The following DAAM2 variants were observed in gnomAD, a reference collection of about 807,000 sequenced individuals.
DAAM2 encodes disheveled-associated activator of morphogenesis 2.
A neutral mutation model predicts 120.7 loss-of-function variants in DAAM2; 39 were observed. The ratio of observed to expected loss-of-function variants is 0.32; its 90% CI spans 0.25 to 0.42. The LOEUF is 0.42. Among genes scored for constraint, DAAM2 ranks in the 10% least tolerant of loss-of-function variants. The pLI is 1.00. For missense variants in DAAM2, 1,283 were observed against 1,401.7 expected, an observed-to-expected ratio of 0.92 and a Z score of 1.35; for synonymous variants, 488 against 524.9, an observed-to-expected ratio of 0.93 and a Z score of 0.96.
chr6:39,859,271 C>T (rs967199285), intron 2 of DAAM2, among the ~76,000 whole-genome samples: 1 of 152,140 alleles, frequency 6.6e-6, no homozygotes, highest in Non-Finnish European at 1.5e-5. Flanking sequence ...AACAAAGGCA[C>T]AGAAGTTGAA....
intron 9 of DAAM2, 125 bp downstream of exon 9, chr6:39,871,697 C>G: frequency 4.1e-6 from 3 of 740,010 alleles, no homozygotes; most frequent in Non-Finnish European, 6.7e-6. Flanking sequence ...GTGGGCACCC[C>G]CATGGCCAGG....
intron 1 of DAAM2, among the ~76,000 whole-genome samples, chr6:39,814,784 T>G (rs908481797): frequency 6.6e-6 from 1 of 152,182 alleles, no homozygotes; most frequent in African/African-American, 2.4e-5. Flanking sequence ...CAAGGAGATT[T>G]GAGGAAATAA....
Position 39,902,376 on chromosome 6 carries a change from G to T in DAAM2, c.*339G>T, listed in dbSNP as rs1164526223. On this transcript the variant is annotated 3_prime_UTR_variant, in exon 25 of 25. Coordinates refer to ENST00000274867, the MANE Select transcript of DAAM2 (RefSeq NM_001201427.2). ...CATGTGCTGGCACAGAACAGTTCCA[G>T]ATCTAGACTGGAGAGGTCCACAGCC... The T allele has an allele frequency of 4.9e-6, 1 of 205,798 alleles. No individual in the cohort carries two copies. The highest frequency in any genetic ancestry group is 2.3e-5 in the African/African-American group (1 of 43,572). The allele number at this position is 205,798 out of a possible 1,614,324, so 12.7% of individuals were successfully genotyped here.
In DAAM2 at chr6:39,901,964, G is replaced by C; in HGVS notation, c.3134G>C (p.Arg1045Pro). ...GACAAGGACTTATGCAAGCTCAAGC[G>C]CAGCCGCAAGCGATCAGGGAGCCAG... ...VFDKDLCKLK[R>P]SRKRSGSQAL... The change falls in exon 25 of 25, where the codon CGC (arginine) becomes CCC (proline). Residue 1045 changes from arginine to proline, a missense_variant. Around this residue, in one of 3 missense-constraint regions of DAAM2, gnomAD observed 748 missense variants for 768.6 expected, o/e 0.97. Coordinates refer to ENST00000274867, the MANE Select transcript of DAAM2 (RefSeq NM_001201427.2). The surrounding 1 kb of genome is among the most constrained non-coding windows in gnomAD (Gnocchi z 4.5). 2 of 1,612,306 alleles carry C rather than the reference G, an allele frequency of 1.2e-6. No individual in the cohort carries two copies. Among genetic ancestry groups the C allele is most frequent in the South Asian group, 1.1e-5 (1 of 90,992 alleles).
At chr6:39,805,362 T>C (rs192024542) in intron 1 of DAAM2, among the ~76,000 whole-genome samples, 2 of 152,286 alleles carry the variant, frequency 1.3e-5, no homozygotes, top group Non-Finnish European at 2.9e-5. Flanking sequence ...AATTAATATA[T>C]GTAAAATACT....
At chr6:39,799,845 A>G (rs1761808184) in intron 1 of DAAM2, among the ~76,000 whole-genome samples, 1 of 152,208 alleles carries the variant, frequency 6.6e-6, no homozygotes, top group Non-Finnish European at 1.5e-5. Context: ...ATTAATGTTA[A>G]TAGCCTAGTA....
chr6:39,827,322 A>G (rs897944877), intron 1 of DAAM2, among the ~76,000 whole-genome samples: 2 of 152,170 alleles, frequency 1.3e-5, no homozygotes, highest in African/African-American at 4.8e-5. Context: ...CGTCTTGTGC[A>G]TGCCAGCAGC....
intron 17 of DAAM2, among the ~76,000 whole-genome samples, chr6:39,890,878 C>T (rs1490180410): frequency 1.3e-5 from 2 of 151,968 alleles, no homozygotes; most frequent in African/African-American, 2.4e-5. Flanking sequence ...TGCTTGAGCT[C>T]GGGAGGTAAA....
intron 16 of DAAM2, 57 bp from the exon 17 acceptor site, chr6:39,888,621 AC>A: frequency 2.7e-6 from 4 of 1,493,138 alleles, no homozygotes; most frequent in Non-Finnish European, 3.7e-6. Context: ...CGGAGGTGGT[AC>A]CTTTTGGAGA....
At chr6:39,897,349 T>C in intron 21 of DAAM2, 67 bp downstream of exon 21, 1 of 1,086,682 alleles carries the variant, frequency 9.2e-7, no homozygotes, top group East Asian at 2.4e-5. Context: ...CTTTCCTCTT[T>C]TGGGGTCTAC....
At position 39,887,554 on chromosome 6, in the gene DAAM2, T is replaced by C; in HGVS notation, c.2022T>C (p.Asp674=). 4 of 1,613,858 alleles carry C rather than the reference T, an allele frequency of 2.5e-6. No homozygotes were observed. In the African/African-American group the frequency reaches 5.3e-5, roughly 22 times the overall value. The change falls in exon 16 of 25, where the codon GAT becomes GAC. Residue 674 remains aspartate (D), a synonymous_variant. Coordinates refer to ENST00000274867, the MANE Select transcript of DAAM2 (RefSeq NM_001201427.2). ...SRKVKELSVI[D]GRRAQNCIIL... ...AGGTCAAAGAGCTGTCGGTCATTGATGGCCGGAGGGCCCAAAACTGCATCA... is the reference window on the plus strand; with the variant it reads ...AGGTCAAAGAGCTGTCGGTCATTGACGGCCGGAGGGCCCAAAACTGCATCA...
intron 10 of DAAM2, 24 bp from the exon 11 acceptor site, chr6:39,875,306 G>A: frequency 6.2e-7 from 1 of 1,610,112 alleles, no homozygotes; most frequent in South Asian, 1.1e-5. Flanking sequence ...ACTCAGGAAA[G>A]ATATGATACC....
intron 15 of DAAM2, 32 bp from the exon 16 acceptor site, chr6:39,887,454 C>A: frequency 1.3e-6 from 2 of 1,539,240 alleles, no homozygotes; most frequent in Non-Finnish European, 1.8e-6. Flanking sequence ...GGAACCCACA[C>A]CTCAACTGTC....
At position 39,867,507 on chromosome 6, in the gene DAAM2, T is replaced by C. The variant is rs1262279270; in HGVS notation, c.429-3T>C. The C allele has an allele frequency of 6.2e-7, 1 of 1,613,056 alleles. No homozygotes were observed. The highest frequency in any genetic ancestry group is 8.5e-7 in the Non-Finnish European group (1 of 1,179,062). On this transcript the variant is annotated splice_region_variant and splice_polypyrimidine_tract_variant and intron_variant, in intron 5 of 24. Transcript: ENST00000274867. ...TATGTTTGTTAATGGCTCTGATTTG[T>C]AGGTTTGTGACCCGCTTCATTGAGC... is the stretch of plus-strand genomic sequence containing the variant.
chr6:39,819,175 A>G (rs944505319), intron 1 of DAAM2: 1 of 152,212 alleles, frequency 6.6e-6, no homozygotes, highest in Non-Finnish European at 1.5e-5. Context: ...CATCATCTCT[A>G]TGCCCACTGG....
chr6:39,817,734 G>A (rs1314130541), intron 1 of DAAM2, among the ~76,000 whole-genome samples: 1 of 152,318 alleles, frequency 6.6e-6, no homozygotes, highest in Admixed American at 6.5e-5. Context: ...AAGACTGAAG[G>A]CAGTCTAGGG....
chr6:39,901,543 G>A lies in DAAM2; in HGVS notation c.2982+71G>A, dbSNP rs1312178280. ...CTTGGGGAGAACACCCCCAAACTGG[G>A]GTGTGTGGGAGGAGGGCAGAGACTG... On this transcript the variant is annotated intron_variant, in intron 24 of 24. Transcript: ENST00000274867. This position sits in a 1 kb window ranked among gnomAD's most constrained non-coding sequence, Gnocchi z 4.5. 6.6e-7 allele frequency: 1 copy of A among 1,514,322 alleles called. No homozygotes were observed. The highest frequency in any genetic ancestry group is 8.9e-7 in the Non-Finnish European group (1 of 1,125,036). 93.8% of individuals were successfully genotyped at this position (1,514,322 alleles called of 1,614,324 possible).
intron 2 of DAAM2, among the ~76,000 whole-genome samples, chr6:39,859,501 T>C (rs1764128951): frequency 6.6e-6 from 1 of 152,184 alleles, no homozygotes; most frequent in Non-Finnish European, 1.5e-5. Flanking sequence ...TGATGGGTAT[T>C]ATTTCAAATA....
At chr6:39,833,456 C>A (rs1375251843) in intron 1 of DAAM2, among the ~76,000 whole-genome samples, 2 of 152,038 alleles carry the variant, frequency 1.3e-5, no homozygotes, top group African/African-American at 4.8e-5. Context: ...GAGTGTGCAC[C>A]ACCACACCTG....
Sources: gnomAD v4.1 joint callset for allele counts (sites outside exome capture counted in the v4.1 genomes callset) on GRCh38, gnomAD v4.1.1 for gene constraint, gnomAD v4.1.1 regional missense constraint, Gnocchi (gnomAD v3.1) non-coding constraint, MANE v1.5 for transcripts, NCBI Gene and HGNC (gene_info 2026-07-23, HGNC 2026-07-21) for gene names.